Variants in ZNF800 observed in about 807,000 individuals in gnomAD.
ZNF800 encodes the protein zinc finger protein 800.
ZNF800 carries 13 observed loss-of-function variants against 59.5 expected under a neutral mutation model. The ratio of observed to expected loss-of-function variants is 0.22; its 90% CI spans 0.14 to 0.35. The LOEUF is 0.35. Among genes scored for constraint, ZNF800 ranks in the 10% least tolerant of loss-of-function variants. The pLI, the probability that ZNF800 is intolerant of heterozygous loss-of-function variation, is 1.00. For missense variants in ZNF800, 621 were observed against 783.7 expected, an observed-to-expected ratio of 0.79 and a Z score of 2.48; for synonymous variants, 266 against 265.7, an observed-to-expected ratio of 1.00 and a Z score of -0.01.
At position 127,357,763 on chromosome 7, in the gene ZNF800, T is replaced by G. The variant is rs546484771; in HGVS notation, n.225-9720A>C. On this transcript the variant is annotated intron_variant and non_coding_transcript_variant, in intron 1 of 1. Transcript: ENST00000485577. ...TAAATTAATTCATATTGCCTAATACTATTACAATTTAATTATTCAGTACTT... is the reference window on the plus strand; with the variant it reads ...TAAATTAATTCATATTGCCTAATACGATTACAATTTAATTATTCAGTACTT... Among the ~76,000 whole-genome samples, 139 of 152,200 alleles carry G rather than the reference T, an allele frequency of 9.1e-4. 1 individual carries two copies. The highest frequency in any genetic ancestry group is 1.8e-3 in the Non-Finnish European group (122 of 67,962).
downstream of ZNF800, among the ~76,000 whole-genome samples, chr7:127,346,587 A>G (rs1800068740): frequency 6.6e-6 from 1 of 152,232 alleles, no homozygotes; most frequent in Non-Finnish European, 1.5e-5. Context: ...GCTGATAAAC[A>G]GTGGGGAAAA....
In ZNF800 at chr7:127,373,948, G is replaced by C. The variant is rs756238204; in HGVS notation, c.1388C>G (p.Pro463Arg). Residue 463 changes from proline to arginine, a missense_variant, in exon 5 of 6, where the codon CCG becomes CGG. Pro to Arg is a moderately radical substitution (Grantham distance 103). Around this residue, in one of 7 missense-constraint regions of ZNF800, gnomAD observed 185 missense variants for 177.6 expected, o/e 1.04. Transcript: ENST00000265827. ...QDSESPKSTS[P>R]SAAGGQQKTR... ...TTTTTGCTGGCCACCTGCAGCCGAC[G>C]GACTAGTTGATTTAGGGCTTTCAGA... 3 of 1,614,026 alleles carry C rather than the reference G, an allele frequency of 1.9e-6. No homozygotes were observed.
intron 5 of ZNF800, among the ~76,000 whole-genome samples, chr7:127,372,142 A>G (rs776235116): frequency 4.6e-5 from 7 of 152,128 alleles, no homozygotes; most frequent in Non-Finnish European, 7.4e-5. Context: ...TTTATGTTGC[A>G]TTTTTTAAAA....
intron 1 of ZNF800, among the ~76,000 whole-genome samples, chr7:127,352,712 A>C (rs1224307168): frequency 6.6e-6 from 1 of 152,224 alleles, no homozygotes; most frequent in African/African-American, 2.4e-5. Context: ...GAATTTATAC[A>C]CTACTATGAA....
intron 2 of ZNF800, among the ~76,000 whole-genome samples, chr7:127,390,212 G>A (rs1314257249): frequency 2.0e-5 from 3 of 152,064 alleles, no homozygotes; most frequent in Admixed American, 6.5e-5. Flanking sequence ...TGGAACATGA[G>A]TTTAAATGGC....
chr7:127,351,488 C>G (rs1800167606), intron 1 of ZNF800: 1 of 152,198 alleles, frequency 6.6e-6, no homozygotes, highest in Admixed American at 6.5e-5. Context: ...GGTAATTTTT[C>G]CTGTTTTCCT....
At chr7:127,344,829 A>G (rs1467671366), downstream of ZNF800, among the ~76,000 whole-genome samples, 3 of 152,156 alleles carry the variant, frequency 2.0e-5, no homozygotes, top group Admixed American at 6.5e-5. Context: ...AATCACACCT[A>G]TATCAAAAAT....
At chr7:127,351,126 C>T (rs142555605) in intron 1 of ZNF800, among the ~76,000 whole-genome samples, 1 of 152,260 alleles carries the variant, frequency 6.6e-6, no homozygotes, top group East Asian at 1.9e-4. Flanking sequence ...GAAGTAGGGC[C>T]TTAATTTTCT....
At chr7:127,369,282 T>C (rs1426533733), downstream of ZNF800, among the ~76,000 whole-genome samples, 1 of 152,148 alleles carries the variant, frequency 6.6e-6, no homozygotes, top group Non-Finnish European at 1.5e-5. Context: ...AGATATAATT[T>C]ATAGCCAGAT....
Position 127,373,303 on chromosome 7 carries a change from TG to T in ZNF800, c.1994+38del, listed in dbSNP as rs774132118. The T allele has an allele frequency of 2.2e-5, 34 of 1,532,050 alleles. No individual in the cohort carries two copies. In the East Asian group the frequency reaches 2.3e-4, roughly 10 times the overall value. 94.9% of individuals were successfully genotyped at this position (1,532,050 alleles called of 1,614,324 possible). ...TCAAATGATTTTTTTTTTAGTTCGA[TG>T]GGGGGAAAAAAGCAAAACTCTGTTA... On this transcript the variant is annotated intron_variant, in intron 5 of 5. Coordinates refer to ENST00000265827, the MANE Select transcript of ZNF800 (RefSeq NM_176814.5).
At chr7:127,367,540 G>A (rs907460829), downstream of ZNF800, among the ~76,000 whole-genome samples, 3 of 152,116 alleles carry the variant, frequency 2.0e-5, no homozygotes, top group African/African-American at 7.2e-5. Flanking sequence ...AGATTTAGCA[G>A]AGTGCTTGGC....
Position 127,384,714 on chromosome 7 carries a change from T to A in ZNF800, c.157+1346A>T, listed in dbSNP as rs555918519. On this transcript the variant is annotated intron_variant, in intron 3 of 5. Transcript: ENST00000265827. ...CAAAAAAACCCTTTAATCTCTATTCTAAAAGAAGCTAAAACAAACAGACAC... is the reference window on the plus strand; with the variant it reads ...CAAAAAAACCCTTTAATCTCTATTCAAAAAGAAGCTAAAACAAACAGACAC... Among the ~76,000 whole-genome samples, 7 of 152,284 alleles carry A rather than the reference T, an allele frequency of 4.6e-5. No homozygotes were observed. In the South Asian group the frequency reaches 1.5e-3, roughly 32 times the overall value.
chr7:127,361,557 T>C (rs998565880), intron 1 of ZNF800: 4 of 151,936 alleles, frequency 2.6e-5, no homozygotes, highest in Non-Finnish European at 5.9e-5. Context: ...TACTTCATCC[T>C]GAGTGAAAAA....
chr7:127,375,398 G>T (rs187758525), intron 4 of ZNF800, among the ~76,000 whole-genome samples: 1 of 151,832 alleles, frequency 6.6e-6, no homozygotes, highest in African/African-American at 2.4e-5. Flanking sequence ...TCAAATTCTC[G>T]TAACTCAATT....
intron 4 of ZNF800, among the ~76,000 whole-genome samples, chr7:127,376,348 A>G (rs1356569387): frequency 6.6e-6 from 1 of 151,968 alleles, no homozygotes; most frequent in Non-Finnish European, 1.5e-5. Flanking sequence ...AGTAAGTTCT[A>G]TATTTTGTAA....
rs544145908 is a variant in ZNF800, at chr7:127,373,491, A to G, written c.1845T>C (p.Phe615=). Reference sequence around the variant, plus strand: ...CACATTTATTGCATCTGTGAAGAGAAAAGTTTTTTGTGACTTTTACTTCAA... The same window carrying G: ...CACATTTATTGCATCTGTGAAGAGAGAAGTTTTTTGTGACTTTTACTTCAA... ...VGIEVKVTKN[F]SLHRCNKCGK... is the part of the protein sequence containing the mutation. The change falls in exon 5 of 6, where the codon TTT becomes TTC. Residue 615 remains phenylalanine (F), a synonymous_variant. Coordinates refer to ENST00000265827, the MANE Select transcript of ZNF800 (RefSeq NM_176814.5). The G allele has an allele frequency of 6.2e-7, 1 of 1,614,156 alleles. No individual in the cohort carries two copies. The highest frequency in any genetic ancestry group is 1.3e-5 in the African/African-American group (1 of 75,054).
chr7:127,374,306 G>C lies in ZNF800; in HGVS notation c.1030C>G (p.Arg344Gly). The change falls in exon 5 of 6, where the codon CGA becomes GGA. Residue 344 changes from arginine (R) to glycine (G), a missense_variant. Arg to Gly is a moderately radical substitution (Grantham distance 125, BLOSUM62 -2). Transcript: ENST00000265827. The stretch of plus-strand genomic sequence containing the variant: ...GCCTTTGAAGAAGACTTTTGTTTTC[G>C]AGTCTTAAAAGATTTTTTAGGAGAA... ...SISPKKSFKT[R>G]KQKSSSKAEY... The C allele has an allele frequency of 6.2e-7, 1 of 1,613,092 alleles. No homozygotes were observed.
At chr7:127,376,564 A>G (rs189310086) in intron 4 of ZNF800, among the ~76,000 whole-genome samples, 2 of 152,060 alleles carry the variant, frequency 1.3e-5, no homozygotes, top group East Asian at 3.9e-4. Flanking sequence ...TTTATCACAT[A>G]AAGTTATACT....
chr7:127,346,043 T>G (rs971040059), downstream of ZNF800, among the ~76,000 whole-genome samples: 9 of 152,116 alleles, frequency 5.9e-5, no homozygotes, highest in South Asian at 1.0e-3. Context: ...AAGGAAGAAG[T>G]CCTTGAAAAG....
Sources: allele counts gnomAD v4.1 joint callset (sites outside exome capture counted in the v4.1 genomes callset), GRCh38; gene constraint gnomAD v4.1.1; regional missense constraint gnomAD v4.1.1; transcripts MANE v1.5; gene names NCBI Gene and HGNC (gene_info 2026-07-23, HGNC 2026-07-21).